Variants in OCLN observed in about 807,000 individuals in gnomAD.
OCLN encodes phosphatase 1, regulatory subunit 115.
In OCLN, 21 loss-of-function variants were observed where a neutral mutation model predicts 47.9. The observed-to-expected ratio is 0.44, with a 90% CI of 0.31 to 0.63. The LOEUF (loss-of-function observed/expected upper bound fraction) is 0.63. Among genes scored for constraint, OCLN ranks in the 30% least tolerant of loss-of-function variants. The pLI is 0.08. For missense variants in OCLN, 360 were observed against 571.0 expected (o/e 0.63, Z 3.77); for synonymous variants, 117 against 198.4 (o/e 0.59, Z 3.45).
intron 4 of OCLN, among the ~76,000 whole-genome samples, chr5:69,525,164 G>C (rs940516955): frequency 1.3e-5 from 2 of 151,690 alleles, no homozygotes; most frequent in Non-Finnish European, 2.9e-5. Context: ...GAGTGCAGTG[G>C]TGCGATCTCG....
intron 4 of OCLN, among the ~76,000 whole-genome samples, chr5:69,527,627 T>G (rs1053030708): frequency 2.6e-5 from 4 of 152,204 alleles, no homozygotes; most frequent in Admixed American, 1.3e-4. Flanking sequence ...TAGTGTATGG[T>G]TAGGACAAAT....
At chr5:69,533,070 CACACACATATATATATAT>C (rs1769486477) in intron 4 of OCLN, among the ~76,000 whole-genome samples, 1 of 145,314 alleles carries the variant, frequency 6.9e-6, no homozygotes, top group African/African-American at 2.6e-5. Context: ...TATATATATA[CACACACATATATATATAT>C]ACACACACAC....
chr5:69,515,225 C>T (rs1465750303), intron 4 of OCLN, among the ~76,000 whole-genome samples: 8 of 143,080 alleles, frequency 5.6e-5, no homozygotes, highest in East Asian at 2.2e-4. Flanking sequence ...CCAGTAGGGG[C>T]GGCCGGGCAG....
intron 1 of OCLN, among the ~76,000 whole-genome samples, chr5:69,499,052 G>T (rs1430882399): frequency 6.6e-6 from 1 of 152,098 alleles, no homozygotes; most frequent in Non-Finnish European, 1.5e-5. Context: ...TTGTGATATT[G>T]TAGTTTTAAA....
At chr5:69,501,907 G>T (rs1375524120) in intron 1 of OCLN, among the ~76,000 whole-genome samples, 5 of 151,818 alleles carry the variant, frequency 3.3e-5, no homozygotes, top group African/African-American at 1.2e-4. Context: ...GTATAGAAGA[G>T]AGTTGCCAGG....
chr5:69,520,406 T>G (rs1042596175), intron 4 of OCLN, among the ~76,000 whole-genome samples: 1 of 151,764 alleles, frequency 6.6e-6, no homozygotes, highest in African/African-American at 2.4e-5. Flanking sequence ...GTTCAAGCGA[T>G]TCTCCTGCCT....
At chr5:69,496,473 A>G (rs1354724760) in intron 1 of OCLN, among the ~76,000 whole-genome samples, 1 of 152,138 alleles carries the variant, frequency 6.6e-6, no homozygotes, top group Non-Finnish European at 1.5e-5. Context: ...CTTAAATACA[A>G]TAAAGTTTAT....
upstream of OCLN, chr5:69,492,643 G>C (rs1026972810): frequency 1.3e-5 from 2 of 152,318 alleles, no homozygotes; most frequent in Non-Finnish European, 2.9e-5. Context: ...CCGAGGAGCC[G>C]GTCTAGGACG....
intron 4 of OCLN, among the ~76,000 whole-genome samples, chr5:69,516,603 A>T (rs1283293478): frequency 1.8e-4 from 27 of 152,264 alleles, no homozygotes; most frequent in Admixed American, 1.8e-3. Flanking sequence ...AGTTAACATT[A>T]TGAAATACTT....
intron 2 of OCLN, among the ~76,000 whole-genome samples, chr5:69,507,250 T>G (rs1768632927): frequency 1.3e-5 from 2 of 152,116 alleles, no homozygotes; most frequent in African/African-American, 4.8e-5. Flanking sequence ...TTCTCCTGCC[T>G]CAGCCTCCCA....
chr5:69,497,385 ATTTTTTTTTT>A (rs373562576), intron 1 of OCLN, among the ~76,000 whole-genome samples: 9 of 116,316 alleles, frequency 7.7e-5, no homozygotes, highest in Admixed American at 4.1e-4. Flanking sequence ...GTTTTTCTAG[ATTTTTTTTTT>A]TTTTTTTTTT....
chr5:69,503,658 A>C (rs993659079), intron 1 of OCLN, among the ~76,000 whole-genome samples: 1 of 152,214 alleles, frequency 6.6e-6, no homozygotes, highest in African/African-American at 2.4e-5. Context: ...TGACCAATTA[A>C]TACCATGCAT....
rs546150027 is a variant in OCLN, at chr5:69,498,905, C to T, written c.-68-5272C>T. Among the ~76,000 whole-genome samples, 10 of 152,264 alleles carry T rather than the reference C, an allele frequency of 6.6e-5. No homozygotes were observed. The East Asian group carries it at 1.7e-3, about 26-fold the overall frequency. ...TGTTGGCCAGGCTGGTCTCGAACTC[C>T]TGACCTCAAGTGATCCGCCCGTCTT... is the stretch of plus-strand genomic sequence containing the variant. On this transcript the variant is annotated intron_variant, in intron 1 of 8. Coordinates refer to ENST00000396442, the MANE Select transcript of OCLN (RefSeq NM_001205254.2).
At chr5:69,532,260 G>A (rs1189052887) in intron 4 of OCLN, among the ~76,000 whole-genome samples, 1 of 151,948 alleles carries the variant, frequency 6.6e-6, no homozygotes, top group Non-Finnish European at 1.5e-5. Flanking sequence ...TTTGAGACAG[G>A]GTCTCATTCT....
intron 1 of OCLN, among the ~76,000 whole-genome samples, chr5:69,494,543 G>T (rs1457457929): frequency 1.3e-5 from 2 of 152,224 alleles, no homozygotes; most frequent in Non-Finnish European, 2.9e-5. Flanking sequence ...TGTGTGGGAG[G>T]CAGAGATATT....
intron 2 of OCLN, 74 bp downstream of exon 2, chr5:69,504,368 T>TTCC: frequency 3.3e-6 from 3 of 908,630 alleles, no homozygotes; most frequent in East Asian, 2.6e-5. Flanking sequence ...GGTTGAAACT[T>TTCC]TAAGTGTTTG....
chr5:69,528,946 A>T (rs1769357061), intron 4 of OCLN, among the ~76,000 whole-genome samples: 1 of 152,222 alleles, frequency 6.6e-6, no homozygotes, highest in Non-Finnish European at 1.5e-5. Flanking sequence ...AATGAGGATT[A>T]GCTATAATTG....
In OCLN at chr5:69,533,037, ATG is replaced by A. The variant is rs544730542; in HGVS notation, c.892-1655_892-1654del. 4.8e-3 allele frequency among the ~76,000 whole-genome samples: 691 copies of A among 144,478 alleles called. 8 individuals carry two copies. The highest frequency in any genetic ancestry group is 0.047 in the East Asian group (240 of 5,070). 94.8% of individuals were successfully genotyped at this position (144,478 alleles called of 152,430 possible). ...TGTGTGTGTGTGTATACACACACACATGTATATATACACATATATACATATAT... is the reference window on the plus strand; with the variant it reads ...TGTGTGTGTGTGTATACACACACACATATATATACACATATATACATATAT... On this transcript the variant is annotated intron_variant, in intron 4 of 8. Transcript: ENST00000396442.
intron 2 of OCLN, among the ~76,000 whole-genome samples, chr5:69,507,697 C>T (rs1040394069): frequency 3.3e-5 from 5 of 152,052 alleles, no homozygotes; most frequent in African/African-American, 1.2e-4. Context: ...CCTCCACCTC[C>T]TGGGTTCAAG....
Sources: allele counts gnomAD v4.1 joint callset (sites outside exome capture counted in the v4.1 genomes callset), GRCh38; gene constraint gnomAD v4.1.1; transcripts MANE v1.5; gene names NCBI Gene and HGNC (gene_info 2026-07-23, HGNC 2026-07-21).